Variants in DPF3 observed in about 807,000 individuals in gnomAD.
DPF3 encodes zinc finger protein DPF3.
A neutral mutation model predicts 56.8 loss-of-function variants in DPF3; 18 were observed. That is an observed-to-expected ratio of 0.32 (90% CI 0.22 to 0.47). The LOEUF is 0.47. Among genes scored for constraint, DPF3 ranks in the 20% least tolerant of loss-of-function variants. The probability of loss-of-function intolerance (pLI) is 1.00; values close to 1 mark genes in which losing one functional copy is unlikely to be tolerated. For synonymous variants in DPF3, 188 were observed against 180.2 expected (o/e 1.04, Z -0.35); for missense variants, 403 against 488.8 (o/e 0.82, Z 1.65).
chr14:72,886,359 G>A lies in DPF3; in HGVS notation c.32+7698C>T, dbSNP rs1319622637. 4.6e-5 allele frequency among the ~76,000 whole-genome samples: 7 copies of A among 152,150 alleles called. No homozygotes were observed. The East Asian group carries it at 9.7e-4, about 21-fold the overall frequency. On this transcript the variant is annotated intron_variant, in intron 1 of 10. Coordinates refer to ENST00000556509, the MANE Select transcript of DPF3 (RefSeq NM_001280542.3). ...TGCACTCCAGCCTGGGTGACAGAGC[G>A]AGACTCCATCTAAAAAAAGAAAGAA...
chr14:72,823,530 G>A (rs1450456601), intron 1 of DPF3, among the ~76,000 whole-genome samples: 1 of 152,170 alleles, frequency 6.6e-6, no homozygotes, highest in Non-Finnish European at 1.5e-5. Context: ...GGCGGCGAGG[G>A]GGAGCTCGCC....
intron 1 of DPF3, among the ~76,000 whole-genome samples, chr14:72,855,642 A>G (rs1029764700): frequency 5.9e-5 from 9 of 151,994 alleles, no homozygotes; most frequent in East Asian, 1.9e-4. Context: ...GCCTGCTTCT[A>G]TGAAGCTTAG....
At chr14:72,797,806 C>G (rs1892700781) in intron 1 of DPF3, among the ~76,000 whole-genome samples, 1 of 152,218 alleles carries the variant, frequency 6.6e-6, no homozygotes, top group African/African-American at 2.4e-5. Context: ...AGACTCAACT[C>G]TCCCAATAAC....
At chr14:72,872,119 C>T (rs59369266) in intron 1 of DPF3, among the ~76,000 whole-genome samples, 19,013 of 152,090 alleles carry the variant, frequency 0.13, 1,259 homozygotes, top group African/African-American at 0.14. Context: ...AGTCACAGCC[C>T]GAGCTATATG....
intron 8 of DPF3, among the ~76,000 whole-genome samples, chr14:72,645,276 A>G (rs745762021): frequency 5.3e-5 from 8 of 151,992 alleles, no homozygotes; most frequent in Admixed American, 1.3e-4. Flanking sequence ...TTCAAAGCAA[A>G]CAGAGATGCT....
At chr14:72,724,916 G>A (rs954340099) in intron 4 of DPF3, among the ~76,000 whole-genome samples, 1 of 151,718 alleles carries the variant, frequency 6.6e-6, no homozygotes, top group Non-Finnish European at 1.5e-5. Flanking sequence ...ATGTTGCCCG[G>A]GCTGACCTCG....
intron 7 of DPF3, among the ~76,000 whole-genome samples, chr14:72,682,217 G>GA (rs60779626): frequency 0.022 from 1,223 of 55,366 alleles, 14 homozygotes; most frequent in African/African-American, 0.048. Flanking sequence ...TCTGTCTCAA[G>GA]AAAAAAAAAA....
chr14:72,801,926 G>A (rs1892908436), intron 1 of DPF3, among the ~76,000 whole-genome samples: 1 of 152,204 alleles, frequency 6.6e-6, no homozygotes, highest in Non-Finnish European at 1.5e-5. Context: ...CAAGAGGTAG[G>A]AAGAACTAGA....
intron 1 of DPF3, chr14:72,892,307 C>T (rs1415852046): frequency 4.6e-6 from 7 of 1,535,294 alleles, no homozygotes; most frequent in African/African-American, 1.4e-5. Flanking sequence ...AGCGAGGATG[C>T]GGCGAAGTTA....
At chr14:72,816,484 C>T (rs1185971649) in intron 1 of DPF3, among the ~76,000 whole-genome samples, 2 of 152,068 alleles carry the variant, frequency 1.3e-5, no homozygotes, top group Admixed American at 1.3e-4. Flanking sequence ...AGATCAGAAC[C>T]TTACCCCCAA....
chr14:72,632,380 T>C (rs1480239742), intron 8 of DPF3, among the ~76,000 whole-genome samples: 2 of 152,200 alleles, frequency 1.3e-5, no homozygotes, highest in Non-Finnish European at 2.9e-5. Flanking sequence ...GTTTTGATAT[T>C]GTGCTATAAT....
intron 8 of DPF3, among the ~76,000 whole-genome samples, chr14:72,633,339 T>A (rs1262429159): frequency 6.6e-6 from 1 of 151,654 alleles, no homozygotes; most frequent in African/African-American, 2.4e-5. Context: ...TGAGAATTAA[T>A]GAAATTATCT....
chr14:72,858,271 G>A (rs908072346), intron 1 of DPF3, among the ~76,000 whole-genome samples: 1 of 144,714 alleles, frequency 6.9e-6, no homozygotes, highest in African/African-American at 2.6e-5. Flanking sequence ...TCACACCACT[G>A]CACTCCAGCC....
intron 3 of DPF3, among the ~76,000 whole-genome samples, chr14:72,734,954 A>T (rs1212367066): frequency 1.3e-5 from 2 of 152,194 alleles, no homozygotes; most frequent in African/African-American, 2.4e-5. Context: ...AATCCCCACT[A>T]CACCCAAGAG....
At chr14:72,778,466 C>A (rs1037435243) in intron 1 of DPF3, among the ~76,000 whole-genome samples, 6 of 152,188 alleles carry the variant, frequency 3.9e-5, no homozygotes, top group African/African-American at 1.4e-4. Context: ...TGCAGGAAAA[C>A]AAGCTCAGAG....
At chr14:72,672,809 A>C (rs1886748109) in intron 8 of DPF3, among the ~76,000 whole-genome samples, 1 of 152,216 alleles carries the variant, frequency 6.6e-6, no homozygotes, top group Non-Finnish European at 1.5e-5. Context: ...ACAGCAGTCC[A>C]TAACGTGTTG....
intron 1 of DPF3, among the ~76,000 whole-genome samples, chr14:72,800,782 A>G (rs1436705278): frequency 1.3e-5 from 2 of 152,220 alleles, no homozygotes; most frequent in Non-Finnish European, 2.9e-5. Context: ...GAGTGGATGC[A>G]TGGGTGGATG....
chr14:72,641,533 T>TG (rs1218313910), intron 8 of DPF3, among the ~76,000 whole-genome samples: 2 of 152,176 alleles, frequency 1.3e-5, no homozygotes, highest in African/African-American at 4.8e-5. Flanking sequence ...CCCACAAGGC[T>TG]GGGGCAGGTC....
chr14:72,725,084 T>G (rs1199856278), intron 4 of DPF3, among the ~76,000 whole-genome samples: 1 of 152,106 alleles, frequency 6.6e-6, no homozygotes, highest in Non-Finnish European at 1.5e-5. Flanking sequence ...ATCCTTCAGT[T>G]TCCCCAATTA....
Sources: allele counts gnomAD v4.1 joint callset (sites outside exome capture counted in the v4.1 genomes callset), GRCh38; gene constraint gnomAD v4.1.1; transcripts MANE v1.5; gene names NCBI Gene and HGNC (gene_info 2026-07-23, HGNC 2026-07-21).